The following RAB3C variants were observed in gnomAD, a reference collection of about 807,000 sequenced individuals.
The protein encoded by RAB3C is RAB3C, member RAS oncogene family, also known as ras-related protein Rab-3C.
Under a neutral mutation model 26.4 loss-of-function variants are expected in RAB3C, and 17 were observed. That is an observed-to-expected ratio of 0.64 (90% CI 0.44 to 0.97). RAB3C has a LOEUF of 0.97. Among genes scored for constraint, RAB3C ranks in the 50% least tolerant of loss-of-function variants. The pLI is 0.00. For missense variants in RAB3C, 242 were observed against 281.9 expected (o/e 0.86, Z 1.01); for synonymous variants, 91 against 95.9 (o/e 0.95, Z 0.30).
At chr5:58,804,312 G>T (rs1182218838) in intron 3 of RAB3C, among the ~76,000 whole-genome samples, 1 of 152,130 alleles carries the variant, frequency 6.6e-6, no homozygotes, top group Non-Finnish European at 1.5e-5. Flanking sequence ...GAAGCAGGCT[G>T]TTTTCTTTCT....
At chr5:58,690,570 A>C (rs1251328090) in intron 2 of RAB3C, among the ~76,000 whole-genome samples, 1 of 152,188 alleles carries the variant, frequency 6.6e-6, no homozygotes, top group East Asian at 1.9e-4. Flanking sequence ...GGATTCTTTA[A>C]TTTTCCTCCA....
intron 3 of RAB3C, among the ~76,000 whole-genome samples, chr5:58,792,599 G>T (rs970561461): frequency 9.9e-5 from 15 of 152,176 alleles, no homozygotes; most frequent in African/African-American, 2.4e-4. Context: ...GGTGAGGGAG[G>T]GGGGAGATGA....
At chr5:58,756,560 T>A (rs1435409843) in intron 3 of RAB3C, among the ~76,000 whole-genome samples, 9 of 140,640 alleles carry the variant, frequency 6.4e-5, no homozygotes, top group African/African-American at 1.0e-4. Flanking sequence ...CACTGGTGTG[T>A]TGTTCCCCTC....
chr5:58,710,282 A>G (rs1749029561), intron 2 of RAB3C, among the ~76,000 whole-genome samples: 1 of 152,140 alleles, frequency 6.6e-6, no homozygotes. Context: ...TATTAATAGT[A>G]GTACTATTTC....
At position 58,792,672 on chromosome 5, in the gene RAB3C, C is replaced by T. The variant is rs529350203; in HGVS notation, c.372-32366C>T. 1.4e-4 allele frequency among the ~76,000 whole-genome samples: 22 copies of T among 152,084 alleles called. 1 individual carries two copies. In the South Asian group the frequency reaches 4.6e-3, roughly 32 times the overall value. On this transcript the variant is annotated intron_variant, in intron 3 of 4. Coordinates refer to ENST00000282878, the MANE Select transcript of RAB3C (RefSeq NM_138453.4). ...AGCAGAATGTTTCCCAACAACCCTT[C>T]CTATAGATGGCCAAGCTATTTTCGT...
At position 58,851,738 on chromosome 5, in the gene RAB3C, T is replaced by TTG. The variant is rs57733643; in HGVS notation, c.*414_*415dup. 0.017 allele frequency: 2,590 copies of TTG among 152,570 alleles called. 17 individuals are homozygous for TTG. The highest frequency in any genetic ancestry group is 0.03 in the Middle Eastern group (9 of 300). 9.5% of individuals were successfully genotyped at this position (152,570 alleles called of 1,614,324 possible). ...GTAGGAATGATGACCAAGGAATTGC[T>TTG]TGTGTGTGTGTGTGTGTGTGTGTGT... On this transcript the variant is annotated 3_prime_UTR_variant, in exon 5 of 5. Coordinates refer to ENST00000282878, the MANE Select transcript of RAB3C (RefSeq NM_138453.4).
chr5:58,800,444 A>G (rs1225390035), intron 3 of RAB3C, among the ~76,000 whole-genome samples: 1 of 152,168 alleles, frequency 6.6e-6, no homozygotes, highest in Non-Finnish European at 1.5e-5. Context: ...TAAGCTATTA[A>G]TTCTATAGGC....
intron 3 of RAB3C, among the ~76,000 whole-genome samples, chr5:58,789,301 G>A (rs566223298): frequency 2.6e-5 from 4 of 152,158 alleles, no homozygotes; most frequent in African/African-American, 7.2e-5. Flanking sequence ...AATGACAGAA[G>A]CTTGAGATAT....
chr5:58,744,806 A>T (rs1741358700), intron 3 of RAB3C, among the ~76,000 whole-genome samples: 1 of 152,216 alleles, frequency 6.6e-6, no homozygotes, highest in Non-Finnish European at 1.5e-5. Flanking sequence ...TATTCAACCA[A>T]CAAGGGATTT....
At chr5:58,678,939 T>G (rs1281388320) in intron 2 of RAB3C, among the ~76,000 whole-genome samples, 1 of 152,180 alleles carries the variant, frequency 6.6e-6, no homozygotes, top group Non-Finnish European at 1.5e-5. Context: ...AAAAGACTTT[T>G]TGTTTTTCCA....
chr5:58,793,816 T>C (rs1456265076), intron 3 of RAB3C, among the ~76,000 whole-genome samples: 2 of 152,170 alleles, frequency 1.3e-5, no homozygotes, highest in African/African-American at 4.8e-5. Context: ...TGGTGATGAA[T>C]TTGCATTTTT....
intron 1 of RAB3C, among the ~76,000 whole-genome samples, chr5:58,597,710 A>T (rs1332395076): frequency 7.8e-5 from 4 of 51,238 alleles, no homozygotes; most frequent in Non-Finnish European, 1.2e-4. Context: ...ATATAATATA[A>T]TATAGTACAT....
rs574206827 is a variant in RAB3C at position 58,801,545 on chromosome 5, T to C, written c.372-23493T>C. Among the ~76,000 whole-genome samples the C allele has an allele frequency of 1.1e-4, 16 of 152,366 alleles. No individual in the cohort carries two copies. In the East Asian group the frequency reaches 2.9e-3, roughly 28 times the overall value. On this transcript the variant is annotated intron_variant, in intron 3 of 4. Transcript: ENST00000282878. ...ATTTTTAAAATCCTGAAGTTCTTTATCATTGGACTACAGCATGGCATCATC... is the reference window on the plus strand; with the variant it reads ...ATTTTTAAAATCCTGAAGTTCTTTACCATTGGACTACAGCATGGCATCATC...
At chr5:58,661,415 A>G (rs1561281961) in intron 2 of RAB3C, among the ~76,000 whole-genome samples, 1 of 150,138 alleles carries the variant, frequency 6.7e-6, no homozygotes, top group East Asian at 1.9e-4. Flanking sequence ...AGGAATTGTT[A>G]ATTTCCTGGA....
At chr5:58,747,180 T>C (rs1741418970) in intron 3 of RAB3C, among the ~76,000 whole-genome samples, 1 of 152,170 alleles carries the variant, frequency 6.6e-6, no homozygotes, top group African/African-American at 2.4e-5. Context: ...TAAACATAGA[T>C]TATGATAATA....
At chr5:58,815,633 A>C (rs1408591671) in intron 3 of RAB3C, 1 of 152,176 alleles carries the variant, frequency 6.6e-6, no homozygotes, top group Non-Finnish European at 1.5e-5. Flanking sequence ...TAAGATGGTA[A>C]TTTATTTTGT....
intron 3 of RAB3C, among the ~76,000 whole-genome samples, chr5:58,737,049 A>G (rs150474720): frequency 6.6e-6 from 1 of 151,966 alleles, no homozygotes; most frequent in East Asian, 1.9e-4. Context: ...AGCCTACCAG[A>G]CCCCGTACAA....
chr5:58,617,436 T>G, intron 1 of RAB3C: 1 of 753,806 alleles, frequency 1.3e-6, no homozygotes, highest in Non-Finnish European at 2.4e-6. Flanking sequence ...GAAAGGCCTG[T>G]AAGATTTGCT....
intron 2 of RAB3C, among the ~76,000 whole-genome samples, chr5:58,646,561 G>T (rs1747524938): frequency 1.3e-5 from 2 of 152,050 alleles, no homozygotes; most frequent in South Asian, 2.1e-4. Context: ...CCTGCTGTGG[G>T]GTTAGAGTGA....
Sources: gnomAD v4.1 joint callset for allele counts (sites outside exome capture counted in the v4.1 genomes callset) on GRCh38, gnomAD v4.1.1 for gene constraint, MANE v1.5 for transcripts, NCBI Gene and HGNC (gene_info 2026-07-23, HGNC 2026-07-21) for gene names.